The following ELAPOR2 variants were observed in gnomAD, a reference collection of about 807,000 sequenced individuals.
The protein encoded by ELAPOR2 is endosome/lysosome-associated apoptosis and autophagy regulator family member 2.
ELAPOR2 carries 89 observed loss-of-function variants against 120.7 expected under a neutral mutation model. The observed-to-expected ratio is 0.74, with a 90% CI of 0.62 to 0.88. The LOEUF is 0.88. Ranked by LOEUF, ELAPOR2 falls within the 40% of genes least tolerant of loss-of-function variation. The pLI, the probability that ELAPOR2 is intolerant of heterozygous loss-of-function variation, is 0.00. For synonymous variants in ELAPOR2, 444 were observed against 444.9 expected (o/e 1.00, Z 0.03); for missense variants, 1,134 against 1,251.6 (o/e 0.91, Z 1.42).
intron 1 of ELAPOR2, among the ~76,000 whole-genome samples, chr7:87,058,678 G>A (rs2129019441): frequency 6.6e-6 from 1 of 152,250 alleles, no homozygotes; most frequent in East Asian, 1.9e-4. Context: ...CCTCCCAAAA[G>A]AAGCATATTC....
At chr7:87,029,203 C>T (rs1794349531) in intron 1 of ELAPOR2, among the ~76,000 whole-genome samples, 2 of 152,210 alleles carry the variant, frequency 1.3e-5, no homozygotes, top group South Asian at 4.1e-4. Flanking sequence ...CTGATGTGTT[C>T]CCGGTAACTA....
In ELAPOR2 at chr7:86,879,581, G is replaced by A. The variant is rs1799303832; in HGVS notation, c.*890C>T. 6.6e-6 allele frequency: 1 copy of A among 152,084 alleles called. No homozygotes were observed. Among genetic ancestry groups the A allele is most frequent in the South Asian group, 2.1e-4 (1 of 4,828 alleles). 9.4% of individuals were successfully genotyped at this position (152,084 alleles called of 1,614,324 possible). A position where few individuals can be genotyped will look rare whatever the true frequency, so the allele number is the denominator to read the frequency against. On this transcript the variant is annotated 3_prime_UTR_variant, in exon 22 of 22. Coordinates refer to ENST00000450689, the MANE Select transcript of ELAPOR2 (RefSeq NM_001142749.3). ...TGAAATTACCCCAGTATTTCATACA[G>A]TCATCTGTACTTATAGACAAACCTT...
At chr7:86,900,203 A>G (rs1788653917) in intron 18 of ELAPOR2, among the ~76,000 whole-genome samples, 3 of 152,086 alleles carry the variant, frequency 2.0e-5, no homozygotes, top group Admixed American at 2.0e-4. Context: ...AAGTCTGTTA[A>G]AATCTGAGAA....
chr7:87,007,773 C>T (rs143980007), intron 1 of ELAPOR2, among the ~76,000 whole-genome samples: 11 of 152,250 alleles, frequency 7.2e-5, no homozygotes, highest in African/African-American at 2.4e-4. Context: ...GCATCTAGCT[C>T]GATGGGGCTT....
chr7:87,027,393 C>T (rs935972440), intron 1 of ELAPOR2, among the ~76,000 whole-genome samples: 1 of 152,144 alleles, frequency 6.6e-6, no homozygotes, highest in Non-Finnish European at 1.5e-5. Context: ...GCCTAAATAT[C>T]ACCCAGCAGA....
chr7:86,912,135 G>A lies in ELAPOR2; in HGVS notation c.2106C>T (p.Pro702=). ...ATTTTGTTCCTTTGGAGGTGAAGCTGGGGCCATTCATTAATGAGCCCACAC... is the reference window on the plus strand; with the variant it reads ...ATTTTGTTCCTTTGGAGGTGAAGCTAGGGCCATTCATTAATGAGCCCACAC... ...LSSVGSLMNG[P]SFTSKGTKYF... Residue 702 remains proline, a synonymous_variant, in exon 15 of 22, where the codon CCC becomes CCT. Coordinates refer to ENST00000450689, the MANE Select transcript of ELAPOR2 (RefSeq NM_001142749.3). The A allele has an allele frequency of 6.2e-7, 1 of 1,612,912 alleles. No homozygotes were observed. Among genetic ancestry groups the A allele is most frequent in the South Asian group, 1.1e-5 (1 of 91,010 alleles).
intron 2 of ELAPOR2, among the ~76,000 whole-genome samples, chr7:86,951,278 C>G (rs557029397): frequency 6.6e-6 from 1 of 152,064 alleles, no homozygotes; most frequent in Non-Finnish European, 1.5e-5. Context: ...TATTGACTTC[C>G]TAATAAAGTT....
At chr7:86,990,968 C>T (rs762485310) in intron 1 of ELAPOR2, among the ~76,000 whole-genome samples, 1 of 152,134 alleles carries the variant, frequency 6.6e-6, no homozygotes, top group Non-Finnish European at 1.5e-5. Context: ...TGGGGTTGTT[C>T]CTTTAATCTA....
At chr7:87,052,773 TTTC>T (rs943924380) in intron 1 of ELAPOR2, among the ~76,000 whole-genome samples, 1 of 141,526 alleles carries the variant, frequency 7.1e-6, no homozygotes, top group African/African-American at 2.8e-5. Flanking sequence ...CAGGGTTTGT[TTTC>T]TTTTGTTTTG....
chr7:87,057,572 T>G (rs1354920950), intron 1 of ELAPOR2, among the ~76,000 whole-genome samples: 1 of 152,232 alleles, frequency 6.6e-6, no homozygotes, highest in Non-Finnish European at 1.5e-5. Context: ...TCTCAACGGA[T>G]GAGTCACATG....
chr7:87,046,911 G>A (rs890427893), intron 1 of ELAPOR2, among the ~76,000 whole-genome samples: 1 of 152,082 alleles, frequency 6.6e-6, no homozygotes. Flanking sequence ...AAAACTGAAG[G>A]AATCAAATTA....
chr7:86,983,176 A>G (rs540221519), intron 1 of ELAPOR2, among the ~76,000 whole-genome samples: 2 of 152,316 alleles, frequency 1.3e-5, no homozygotes, highest in East Asian at 3.9e-4. Flanking sequence ...TCCAACAAAT[A>G]TGGGACTATG....
rs561931183 is a variant in ELAPOR2, at chr7:86,976,009, G to A, written c.190-10985C>T. Among the ~76,000 whole-genome samples, 31 of 152,268 alleles carry A rather than the reference G, an allele frequency of 2.0e-4. No individual in the cohort carries two copies. The South Asian group carries it at 4.8e-3, about 23-fold the overall frequency. On this transcript the variant is annotated intron_variant, in intron 1 of 21. Coordinates refer to ENST00000450689, the MANE Select transcript of ELAPOR2 (RefSeq NM_001142749.3). ...CTGTGGTTGGAGTACTGGGAGAGGG[G>A]AAATGGGATCAGAAAGTGAGAGGGA... is the stretch of plus-strand genomic sequence containing the variant.
At chr7:86,887,187 G>A (rs1288507178) in intron 21 of ELAPOR2, among the ~76,000 whole-genome samples, 2 of 152,070 alleles carry the variant, frequency 1.3e-5, no homozygotes, top group Non-Finnish European at 2.9e-5. Context: ...AGATGCCCAG[G>A]TAAGGATCCT....
chr7:87,000,280 C>T (rs1022582446), intron 1 of ELAPOR2, among the ~76,000 whole-genome samples: 2 of 152,096 alleles, frequency 1.3e-5, no homozygotes, highest in African/African-American at 2.4e-5. Context: ...TCATAGCTGG[C>T]TATTTAGGAA....
intron 1 of ELAPOR2, among the ~76,000 whole-genome samples, chr7:87,045,409 C>T (rs981967683): frequency 4.0e-5 from 6 of 150,838 alleles, no homozygotes; most frequent in African/African-American, 1.5e-4. Flanking sequence ...ACATATACAC[C>T]ATGGAATACT....
intron 1 of ELAPOR2, among the ~76,000 whole-genome samples, chr7:86,999,607 G>A (rs1227023150): frequency 1.4e-4 from 22 of 152,066 alleles, no homozygotes; most frequent in Admixed American, 1.4e-3. Flanking sequence ...AGCTTCTGGA[G>A]GCAGCATACT....
At chr7:86,885,577 A>T (rs535630749) in intron 21 of ELAPOR2, among the ~76,000 whole-genome samples, 156 of 152,218 alleles carry the variant, frequency 1.0e-3, no homozygotes, top group Middle Eastern at 3.4e-3. Context: ...TTTTCCTGTT[A>T]CCAAGAGGGA....
intron 1 of ELAPOR2, among the ~76,000 whole-genome samples, chr7:87,041,666 T>C (rs1794791882): frequency 6.6e-6 from 1 of 151,316 alleles, no homozygotes; most frequent in African/African-American, 2.4e-5. Context: ...CATGCCAAAA[T>C]GTAAAGACCA....
Sources: allele counts gnomAD v4.1 joint callset (sites outside exome capture counted in the v4.1 genomes callset), GRCh38; gene constraint gnomAD v4.1.1; transcripts MANE v1.5; gene names NCBI Gene and HGNC (gene_info 2026-07-23, HGNC 2026-07-21).